The following FRMD4A variants were observed in gnomAD, a reference collection of about 807,000 sequenced individuals.
FRMD4A encodes FERM domain containing 4A, also known as FERM domain-containing protein 4A.
A neutral mutation model predicts 129.1 loss-of-function variants in FRMD4A; 29 were observed. The ratio of observed to expected loss-of-function variants is 0.22; its 90% CI spans 0.17 to 0.31. The LOEUF is 0.31. FRMD4A is among the 10% of genes least tolerant of loss of function. The pLI is 1.00. For missense variants in FRMD4A, 1,272 were observed against 1,375.8 expected, an observed-to-expected ratio of 0.92 and a Z score of 1.19; for synonymous variants, 634 against 571.6, an observed-to-expected ratio of 1.11 and a Z score of -1.56.
In FRMD4A at chr10:14,277,987, T is replaced by C. The variant is rs181582126; in HGVS notation, c.45+52071A>G. Among the ~76,000 whole-genome samples, 193 of 152,310 alleles carry C rather than the reference T, an allele frequency of 1.3e-3. 1 individual carries two copies. Among genetic ancestry groups the C allele is most frequent in the African/African-American group, 4.5e-3 (188 of 41,566 alleles). On this transcript the variant is annotated intron_variant, in intron 2 of 24. Coordinates refer to ENST00000357447, the MANE Select transcript of FRMD4A (RefSeq NM_018027.5). Reference sequence around the variant, plus strand: ...CATGTTTTGAATGGTTGAATGGTGCTCAGTTCCCCCAGTGCCTTCTTCCCA... The same window carrying C: ...CATGTTTTGAATGGTTGAATGGTGCCCAGTTCCCCCAGTGCCTTCTTCCCA...
At chr10:14,217,853 CAG>C (rs1204492339) in intron 2 of FRMD4A, among the ~76,000 whole-genome samples, 3 of 151,118 alleles carry the variant, frequency 2.0e-5, no homozygotes. Flanking sequence ...TGCTTTGAGA[CAG>C]AGTCTCACTC....
intron 2 of FRMD4A, among the ~76,000 whole-genome samples, chr10:14,128,082 T>C (rs975363978): frequency 6.8e-5 from 8 of 117,888 alleles, no homozygotes; most frequent in African/African-American, 1.6e-4. Context: ...CTTTCTTTCT[T>C]TCTTTCTTTC....
chr10:13,938,232 C>CTGTTTGTT (rs547717822), intron 2 of FRMD4A, among the ~76,000 whole-genome samples: 13,783 of 151,596 alleles, frequency 0.091, 717 homozygotes, highest in Middle Eastern at 0.17. Context: ...TTTGTTGTTG[C>CTGTTTGTT]TGTTTGTTTG....
chr10:14,169,035 A>C (rs1353189385), intron 2 of FRMD4A, among the ~76,000 whole-genome samples: 1 of 152,218 alleles, frequency 6.6e-6, no homozygotes, highest in Non-Finnish European at 1.5e-5. Flanking sequence ...TAATAAATGC[A>C]TCATAGTGGC....
intron 2 of FRMD4A, among the ~76,000 whole-genome samples, chr10:14,227,543 T>C (rs150460457): frequency 0.013 from 2,009 of 152,012 alleles, 41 homozygotes; most frequent in African/African-American, 0.045. Flanking sequence ...TGAGCCAGGG[T>C]GCCCAGCCCT....
chr10:13,672,294 C>CT (rs1214012571), intron 16 of FRMD4A, among the ~76,000 whole-genome samples: 1 of 151,134 alleles, frequency 6.6e-6, no homozygotes, highest in Non-Finnish European at 1.5e-5. Flanking sequence ...CTGGTTTTTT[C>CT]TTTAAAAAAA....
At chr10:14,162,100 G>T (rs147248991) in intron 2 of FRMD4A, among the ~76,000 whole-genome samples, 31 of 151,350 alleles carry the variant, frequency 2.0e-4, no homozygotes, top group African/African-American at 7.5e-4. Context: ...AAAAATTAAG[G>T]TATTTTTTAT....
At chr10:14,296,942 C>G (rs1846028773) in intron 2 of FRMD4A, among the ~76,000 whole-genome samples, 1 of 152,174 alleles carries the variant, frequency 6.6e-6, no homozygotes, top group South Asian at 2.1e-4. Flanking sequence ...GAGACAACAT[C>G]AGTAAATCAC....
At chr10:13,940,029 T>A (rs1308326655) in intron 2 of FRMD4A, among the ~76,000 whole-genome samples, 4 of 152,102 alleles carry the variant, frequency 2.6e-5, no homozygotes, top group Non-Finnish European at 4.4e-5. Flanking sequence ...CTTGTTGAAG[T>A]CCGGTCCACC....
intron 2 of FRMD4A, among the ~76,000 whole-genome samples, chr10:14,022,897 A>T (rs188239749): frequency 2.0e-5 from 3 of 152,230 alleles, no homozygotes; most frequent in African/African-American, 7.2e-5. Flanking sequence ...TGTATTAATG[A>T]CTTTGTGGTA....
At chr10:14,194,535 C>T (rs1162522405) in intron 2 of FRMD4A, among the ~76,000 whole-genome samples, 1 of 152,100 alleles carries the variant, frequency 6.6e-6, no homozygotes, top group East Asian at 1.9e-4. Context: ...GGCGGGAACC[C>T]GGGAGGCGGA....
intron 2 of FRMD4A, among the ~76,000 whole-genome samples, chr10:14,205,900 C>A (rs1169779955): frequency 6.6e-6 from 1 of 151,952 alleles, no homozygotes; most frequent in Non-Finnish European, 1.5e-5. Context: ...GACTTACCTG[C>A]CTACTCTTTA....
At chr10:14,130,856 A>G (rs1254572042) in intron 2 of FRMD4A, among the ~76,000 whole-genome samples, 5 of 152,182 alleles carry the variant, frequency 3.3e-5, no homozygotes, top group Non-Finnish European at 7.3e-5. Context: ...ACTAGGCCCA[A>G]GCTGTTTGGC....
intron 17 of FRMD4A, among the ~76,000 whole-genome samples, chr10:13,668,828 G>C (rs1010899385): frequency 2.0e-5 from 3 of 152,224 alleles, no homozygotes; most frequent in South Asian, 4.1e-4. Context: ...GCAGGATTTG[G>C]AAATACCCGA....
intron 2 of FRMD4A, among the ~76,000 whole-genome samples, chr10:14,234,387 A>G (rs115921317): frequency 4.9e-4 from 75 of 152,262 alleles, no homozygotes; most frequent in African/African-American, 1.8e-3. Flanking sequence ...GCATTCAGTA[A>G]AGTTCTTATC....
chr10:13,959,231 TG>T (rs1475504497), intron 2 of FRMD4A, among the ~76,000 whole-genome samples: 8 of 152,202 alleles, frequency 5.3e-5, no homozygotes, highest in Non-Finnish European at 1.0e-4. Flanking sequence ...CTCAGCACTT[TG>T]GGAGGCCAAG....
At chr10:14,206,673 G>A (rs1842788480) in intron 2 of FRMD4A, among the ~76,000 whole-genome samples, 1 of 151,146 alleles carries the variant, frequency 6.6e-6, no homozygotes, top group African/African-American at 2.5e-5. Context: ...CGGGCGTGGT[G>A]GCATGCTCCT....
chr10:13,929,367 C>T (rs1172294637), intron 2 of FRMD4A, among the ~76,000 whole-genome samples: 1 of 152,188 alleles, frequency 6.6e-6, no homozygotes, highest in Non-Finnish European at 1.5e-5. Flanking sequence ...TACCTGGACA[C>T]CCTTTGTGTC....
chr10:13,884,208 TCACACACACA>T (rs747364370), intron 2 of FRMD4A, among the ~76,000 whole-genome samples: 13 of 81,708 alleles, frequency 1.6e-4, no homozygotes, highest in Admixed American at 2.4e-4. Flanking sequence ...ACACACACAC[TCACACACACA>T]CACACACACA....
Sources: gnomAD v4.1 joint callset for allele counts (sites outside exome capture counted in the v4.1 genomes callset) on GRCh38, gnomAD v4.1.1 for gene constraint, MANE v1.5 for transcripts, NCBI Gene and HGNC (gene_info 2026-07-23, HGNC 2026-07-21) for gene names.